The following LIX1 variants were observed in gnomAD, a reference collection of about 807,000 sequenced individuals.
The protein encoded by LIX1 is limb and CNS expressed 1.
A neutral mutation model predicts 33.4 loss-of-function variants in LIX1; 24 were observed. The observed-to-expected ratio is 0.72, with a 90% CI of 0.52 to 1.01. LIX1 has a LOEUF of 1.01. LIX1 is among the 50% of genes least tolerant of loss of function. LIX1 has a pLI of 0.00. For missense variants in LIX1, 311 were observed against 339.2 expected (o/e 0.92, Z 0.65); for synonymous variants, 124 against 124.0 (o/e 1.00, Z 0.00).
intron 2 of LIX1, among the ~76,000 whole-genome samples, chr5:97,112,142 C>T (rs955697592): frequency 1.3e-5 from 2 of 152,208 alleles, no homozygotes; most frequent in African/African-American, 4.8e-5. Flanking sequence ...CAAATCTCAG[C>T]CAGTAAGGGC....
intron 2 of LIX1, among the ~76,000 whole-genome samples, chr5:97,117,258 A>G (rs1432501789): frequency 6.6e-6 from 1 of 152,194 alleles, no homozygotes; most frequent in Non-Finnish European, 1.5e-5. Context: ...ATTGCATAGC[A>G]TGTCGTCCAT....
intron 1 of LIX1, among the ~76,000 whole-genome samples, chr5:97,141,720 A>C (rs1284505183): frequency 6.6e-6 from 1 of 152,240 alleles, no homozygotes; most frequent in African/African-American, 2.4e-5. Flanking sequence ...CCTTTGTAAT[A>C]TGAAACCCAC....
At chr5:97,105,002 G>A (rs1580212603) in intron 4 of LIX1, among the ~76,000 whole-genome samples, 188 bp downstream of exon 4, 1 of 152,174 alleles carries the variant, frequency 6.6e-6, no homozygotes, top group Non-Finnish European at 1.5e-5. Context: ...TTGCGTGTTT[G>A]TTTACGCCTA....
At chr5:97,106,926 A>C (rs949398780) in intron 3 of LIX1, among the ~76,000 whole-genome samples, 2 of 152,186 alleles carry the variant, frequency 1.3e-5, no homozygotes, top group African/African-American at 4.8e-5. Context: ...AGGGCCCCAC[A>C]CTGGCTGGGG....
At position 97,096,809 on chromosome 5, in the gene LIX1, C is replaced by T. The variant is rs757938953; in HGVS notation, c.561+1G>A. The T allele has an allele frequency of 1.2e-6, 2 of 1,610,484 alleles. No individual in the cohort carries two copies. Among genetic ancestry groups the T allele is most frequent in the South Asian group, 1.1e-5 (1 of 91,008 alleles). ...ACTTAGACTTGATTAGAAAATCTTA[C>T]CTGTCGGGAACACTTTGTTTCACGA... On this transcript the variant is annotated splice_donor_variant, in intron 5 of 5. Transcript: ENST00000274382. LOFTEE classifies it high-confidence loss of function.
At chr5:97,104,600 T>C (rs999097502) in intron 4 of LIX1, among the ~76,000 whole-genome samples, 2 of 152,234 alleles carry the variant, frequency 1.3e-5, no homozygotes, top group East Asian at 1.9e-4. Context: ...CATCCATAAA[T>C]GTCAGCTGTT....
chr5:97,126,206 C>T (rs1275412774), intron 1 of LIX1, among the ~76,000 whole-genome samples: 1 of 152,248 alleles, frequency 6.6e-6, no homozygotes, highest in Admixed American at 6.5e-5. Flanking sequence ...TGTAACACGG[C>T]ATCTATGCCC....
intron 3 of LIX1, among the ~76,000 whole-genome samples, chr5:97,106,746 G>A (rs1467229108): frequency 1.3e-5 from 2 of 152,190 alleles, no homozygotes; most frequent in Non-Finnish European, 2.9e-5. Context: ...AAGACAGGGT[G>A]TTTTGCTCTT....
intron 4 of LIX1, 48 bp downstream of exon 4, chr5:97,105,142 G>A (rs1319681521): frequency 6.7e-7 from 1 of 1,484,658 alleles, no homozygotes; most frequent in Non-Finnish European, 9.4e-7. Context: ...TTTCTCTTAG[G>A]CTTCTGGATT....
At chr5:97,098,560 TTAACA>T (rs1332435938) in intron 4 of LIX1, among the ~76,000 whole-genome samples, 1 of 152,188 alleles carries the variant, frequency 6.6e-6, no homozygotes, top group Non-Finnish European at 1.5e-5. Context: ...TTATGAAAAC[TTAACA>T]TAGACAGATG....
intron 1 of LIX1, among the ~76,000 whole-genome samples, chr5:97,139,257 A>T (rs577982173): frequency 5.1e-4 from 77 of 152,354 alleles, no homozygotes; most frequent in Non-Finnish European, 9.7e-4. Context: ...TGTTTCTAGT[A>T]CAGTGCCTAT....
At chr5:97,126,300 A>G (rs939496556) in intron 1 of LIX1, among the ~76,000 whole-genome samples, 1 of 152,320 alleles carries the variant, frequency 6.6e-6, no homozygotes, top group East Asian at 1.9e-4. Flanking sequence ...AGTATCTCAG[A>G]GTGTGATCTG....
chr5:97,115,665 T>C (rs570871658), intron 2 of LIX1, among the ~76,000 whole-genome samples: 1 of 151,988 alleles, frequency 6.6e-6, no homozygotes, highest in South Asian at 2.1e-4. Flanking sequence ...TCTCCAGATC[T>C]AAAATGTATA....
chr5:97,105,252 T>C lies in LIX1; in HGVS notation c.421A>G (p.Ser141Gly). 1 of 1,614,066 alleles carries C rather than the reference T, an allele frequency of 6.2e-7. No homozygotes were observed. Among genetic ancestry groups the C allele is most frequent in the African/African-American group, 1.3e-5 (1 of 75,044 alleles). The change falls in exon 4 of 6, where the codon AGT (serine) becomes GGT (glycine). Residue 141 changes from serine to glycine, a missense_variant. Physicochemically the swap from Ser to Gly is moderately conservative, Grantham distance 56 (BLOSUM62 0). Transcript: ENST00000274382. ...AGCATGTAGTGATAGGCCCCAACAC[T>C]GGTGCTGGGGTCATCTGCATCATCT... Reference protein sequence around the residue: ...TLDDADDPSTSVGAYHYMLES... With the variant: ...TLDDADDPSTGVGAYHYMLES...
chr5:97,142,484 T>G lies in LIX1; in HGVS notation c.82+11A>C. 1 of 1,607,138 alleles carries G rather than the reference T, an allele frequency of 6.2e-7. No individual in the cohort carries two copies. The highest frequency in any genetic ancestry group is 8.5e-7 in the Non-Finnish European group (1 of 1,173,626). On this transcript the variant is annotated intron_variant, in intron 1 of 5. Transcript: ENST00000274382. Reference sequence around the variant, plus strand: ...AAAAAGTCAAAAAACTTTTCCCCCTTCAGTACTTACAGTCTTTGAAGACTA... The same window carrying G: ...AAAAAGTCAAAAAACTTTTCCCCCTGCAGTACTTACAGTCTTTGAAGACTA...
chr5:97,140,367 AG>A (rs1254410040), intron 1 of LIX1, among the ~76,000 whole-genome samples: 4 of 152,200 alleles, frequency 2.6e-5, no homozygotes, highest in Admixed American at 2.0e-4. Flanking sequence ...GATGTGCTCA[AG>A]TGCTCAGCTC....
At chr5:97,134,265 G>A (rs1484151305) in intron 1 of LIX1, among the ~76,000 whole-genome samples, 3 of 152,156 alleles carry the variant, frequency 2.0e-5, no homozygotes, top group African/African-American at 2.4e-5. Flanking sequence ...AAGTACAGGC[G>A]CCTGCCACCA....
chr5:97,137,759 G>A (rs746945039), intron 1 of LIX1, among the ~76,000 whole-genome samples: 5 of 152,028 alleles, frequency 3.3e-5, no homozygotes, highest in Non-Finnish European at 7.4e-5. Context: ...TTTCAGGGGT[G>A]GTGGAATGCA....
chr5:97,117,268 T>C (rs1435324627), intron 2 of LIX1, among the ~76,000 whole-genome samples: 2 of 152,200 alleles, frequency 1.3e-5, no homozygotes, highest in African/African-American at 2.4e-5. Flanking sequence ...ATGTCGTCCA[T>C]CTGAGTCAAG....
Sources: gnomAD v4.1 joint callset for allele counts (sites outside exome capture counted in the v4.1 genomes callset) on GRCh38, gnomAD v4.1.1 for gene constraint, MANE v1.5 for transcripts, NCBI Gene and HGNC (gene_info 2026-07-23, HGNC 2026-07-21) for gene names.